COG5: variants seen among roughly 807,000 people sequenced by gnomAD.
COG5 encodes component of oligomeric golgi complex 5.
COG5 carries 86 observed loss-of-function variants against 110.4 expected under a neutral mutation model. The observed-to-expected ratio is 0.78, with a 90% confidence interval of 0.65 to 0.93. COG5 has a LOEUF of 0.93. Ranked by LOEUF, COG5 falls within the 40% of genes least tolerant of loss-of-function variation. The pLI, the probability that COG5 is intolerant of heterozygous loss-of-function variation, is 0.00. For missense variants in COG5, 1,077 were observed against 987.0 expected (o/e 1.09, Z -1.22); for synonymous variants, 360 against 334.6 (o/e 1.08, Z -0.83).
chr7:107,429,447 A>C (rs1169840758), intron 6 of COG5, among the ~76,000 whole-genome samples: 3 of 149,736 alleles, frequency 2.0e-5, no homozygotes, highest in African/African-American at 7.3e-5. Flanking sequence ...CCTATATTCA[A>C]GTCTTTGCCC....
At chr7:107,547,109 A>G (rs752414118) in intron 5 of COG5, among the ~76,000 whole-genome samples, 25 of 152,224 alleles carry the variant, frequency 1.6e-4, no homozygotes, top group Non-Finnish European at 3.2e-4. Flanking sequence ...TGATCAACAC[A>G]GATGCAAAAT....
chr7:107,298,565 T>TA (rs926387906), intron 11 of COG5, among the ~76,000 whole-genome samples: 54 of 151,892 alleles, frequency 3.6e-4, no homozygotes, highest in African/African-American at 6.8e-4. Flanking sequence ...AATCTATATT[T>TA]AAAAAAAATA....
intron 14 of COG5, among the ~76,000 whole-genome samples, chr7:107,264,726 A>G (rs907880317): frequency 5.3e-5 from 8 of 152,108 alleles, no homozygotes; most frequent in Non-Finnish European, 1.0e-4. Context: ...CGAACCCCAG[A>G]AAATGGATCA....
intron 19 of COG5, among the ~76,000 whole-genome samples, chr7:107,215,124 G>A (rs1164066560): frequency 6.6e-6 from 1 of 151,946 alleles, no homozygotes; most frequent in African/African-American, 2.4e-5. Flanking sequence ...AAGCCTCATG[G>A]TAAGTACAAA....
chr7:107,222,946 A>G (rs1800052164), intron 19 of COG5, among the ~76,000 whole-genome samples: 1 of 152,184 alleles, frequency 6.6e-6, no homozygotes, highest in Admixed American at 6.5e-5. Flanking sequence ...ATTCATAGCT[A>G]TGCAGCTGTC....
rs764566095 is a variant in COG5 at position 107,548,166 on chromosome 7, A to G, written c.362T>C (p.Ile121Thr). The change falls in exon 5 of 22, where the codon ATT (isoleucine) becomes ACT (threonine). Residue 121 changes from isoleucine to threonine, a missense_variant. By Grantham distance (89) the Ile-to-Thr change is moderately conservative. Transcript: ENST00000297135. ...AACTATCTTATTGTATGGTTCAACA[A>G]TTTTTGCTTTTATCCTACAGGAAAA... Reference protein sequence around the residue: ...QGAVDRIKAKIVEPYNKIVAR... With the variant: ...QGAVDRIKAKTVEPYNKIVAR... 17 of 1,613,804 alleles carry G rather than the reference A, an allele frequency of 1.1e-5. No individual in the cohort carries two copies. The highest frequency in any genetic ancestry group is 2.2e-5 in the East Asian group (1 of 44,852).
chr7:107,542,732 G>A (rs558304705), intron 5 of COG5, among the ~76,000 whole-genome samples: 11 of 152,214 alleles, frequency 7.2e-5, no homozygotes, highest in African/African-American at 2.6e-4. Context: ...CACTTTGGGA[G>A]GCCGAGGCAG....
At position 107,252,368 on chromosome 7, in the gene COG5, A is replaced by G. The variant is rs1011522055; in HGVS notation, c.1750-3869T>C. Reference sequence around the variant, plus strand: ...TTCAAGAAGAATAGATAACACAAATAGCCCTTTCTCTATTAAATGAATTAA... The same window carrying G: ...TTCAAGAAGAATAGATAACACAAATGGCCCTTTCTCTATTAAATGAATTAA... On this transcript the variant is annotated intron_variant, in intron 16 of 21. Transcript: ENST00000297135. 2.0e-4 allele frequency among the ~76,000 whole-genome samples: 31 copies of G among 152,234 alleles called. 1 individual carries two copies. The highest frequency in any genetic ancestry group is 8.3e-4 in the South Asian group (4 of 4,828).
chr7:107,515,145 G>C (rs997240636), intron 6 of COG5, among the ~76,000 whole-genome samples: 3 of 152,132 alleles, frequency 2.0e-5, no homozygotes, highest in African/African-American at 7.2e-5. Context: ...ATTCATTCAT[G>C]AAGGTATGGT....
intron 6 of COG5, among the ~76,000 whole-genome samples, chr7:107,518,053 G>T (rs1451757932): frequency 6.6e-6 from 1 of 152,052 alleles, no homozygotes. Flanking sequence ...GCCAAACTAA[G>T]CTTCATGAAC....
At chr7:107,473,467 A>G (rs578054396) in intron 6 of COG5, among the ~76,000 whole-genome samples, 1 of 152,062 alleles carries the variant, frequency 6.6e-6, no homozygotes, top group South Asian at 2.1e-4. Context: ...AACCCCAAAT[A>G]TCACCAAGCA....
chr7:107,415,103 A>C (rs990677488), intron 6 of COG5, among the ~76,000 whole-genome samples: 1 of 152,158 alleles, frequency 6.6e-6, no homozygotes, highest in Admixed American at 6.5e-5. Flanking sequence ...CAGTTTGCTA[A>C]AGAATTCAGC....
intron 10 of COG5, among the ~76,000 whole-genome samples, chr7:107,328,195 C>T (rs1235265900): frequency 1.3e-5 from 2 of 152,196 alleles, no homozygotes; most frequent in African/African-American, 2.4e-5. Flanking sequence ...GGATAGCCTA[C>T]TACACAAGCA....
intron 11 of COG5, among the ~76,000 whole-genome samples, chr7:107,300,170 A>T (rs935512723): frequency 1.3e-5 from 2 of 152,116 alleles, no homozygotes; most frequent in African/African-American, 4.8e-5. Context: ...CTAGGAACAG[A>T]AAGGAACACA....
At chr7:107,434,774 T>C (rs532564004) in intron 6 of COG5, among the ~76,000 whole-genome samples, 1 of 151,890 alleles carries the variant, frequency 6.6e-6, no homozygotes, top group African/African-American at 2.4e-5. Context: ...ATCAAGACCA[T>C]CCTGGCTAAC....
chr7:107,518,962 A>C (rs1259759816), intron 6 of COG5, among the ~76,000 whole-genome samples: 1 of 152,000 alleles, frequency 6.6e-6, no homozygotes, highest in Non-Finnish European at 1.5e-5. Context: ...AACAGTCCAC[A>C]ATGCAATCAA....
At chr7:107,430,781 C>T (rs1793975814) in intron 6 of COG5, among the ~76,000 whole-genome samples, 1 of 152,094 alleles carries the variant, frequency 6.6e-6, no homozygotes, top group Non-Finnish European at 1.5e-5. Context: ...GAAATGCTAC[C>T]TTACATGCTA....
chr7:107,206,971 G>T (rs1051535795), intron 21 of COG5, among the ~76,000 whole-genome samples: 12 of 151,062 alleles, frequency 7.9e-5, no homozygotes, highest in Non-Finnish European at 1.5e-4. Flanking sequence ...GTAGATTATT[G>T]AGGTTATCCT....
At chr7:107,440,864 C>T (rs920440085) in intron 6 of COG5, among the ~76,000 whole-genome samples, 2 of 152,126 alleles carry the variant, frequency 1.3e-5, no homozygotes, top group Non-Finnish European at 2.9e-5. Flanking sequence ...TTCTATTTGG[C>T]TGTTCCTGAG....
Sources: allele counts gnomAD v4.1 joint callset (sites outside exome capture counted in the v4.1 genomes callset), GRCh38; gene constraint gnomAD v4.1.1; transcripts MANE v1.5; gene names NCBI Gene and HGNC (gene_info 2026-07-23, HGNC 2026-07-21).